ATG12: variants seen among roughly 807,000 people sequenced by gnomAD.
ATG12 encodes the protein ubiquitin-like protein ATG12.
ATG12 carries 19 observed loss-of-function variants against 17.6 expected under a neutral mutation model. The ratio of observed to expected loss-of-function variants is 1.08; its 90% CI spans 0.75 to 1.58. The LOEUF (loss-of-function observed/expected upper bound fraction) is 1.58, where lower values mean the gene tolerates loss of function less well. Ranked by LOEUF, ATG12 falls within the 40% of genes most tolerant of loss-of-function variation. ATG12 has a pLI of 0.00. For synonymous variants in ATG12, 75 were observed against 62.4 expected (o/e 1.20, Z -0.95); for missense variants, 214 against 162.0 (o/e 1.32, Z -1.74).
At position 115,841,440 on chromosome 5, in the gene ATG12, G is replaced by A. The variant is rs773469743; in HGVS notation, c.113C>T (p.Ala38Val). The A allele has an allele frequency of 1.3e-5, 21 of 1,610,100 alleles. No homozygotes were observed. The highest frequency in any genetic ancestry group is 1.7e-5 in the Non-Finnish European group (20 of 1,179,108). ...TTCCTCTGTTCCCGGGGAAACTGCAGCGGAAGACGGGGGCTCCGGGGTGGT... is the reference window on the plus strand; with the variant it reads ...TTCCTCTGTTCCCGGGGAAACTGCAACGGAAGACGGGGGCTCCGGGGTGGT... Reference protein sequence around the residue: ...ETTTPEPPSSAAVSPGTEEPA... With the variant: ...ETTTPEPPSSVAVSPGTEEPA... The change falls in exon 1 of 4, where the codon GCT (alanine) becomes GTT (valine). Residue 38 changes from alanine (A) to valine (V), a missense_variant. By Grantham distance (64) the Ala-to-Val change is moderately conservative (BLOSUM62 0). Coordinates refer to ENST00000509910, the MANE Select transcript of ATG12 (RefSeq NM_004707.4).
chr5:115,839,970 T>C (rs909833297), intron 1 of ATG12, among the ~76,000 whole-genome samples: 5 of 152,240 alleles, frequency 3.3e-5, no homozygotes, highest in African/African-American at 1.2e-4. Flanking sequence ...GGGCAATATT[T>C]AGATTGTAAG....
In ATG12 at chr5:115,831,870, A is replaced by G. The variant is rs765993877; in HGVS notation, c.364-7T>C. 9 of 1,597,678 alleles carry G rather than the reference A, an allele frequency of 5.6e-6. No homozygotes were observed. Among genetic ancestry groups the G allele is most frequent in the Non-Finnish European group, 7.7e-6 (9 of 1,175,536 alleles). On this transcript the variant is annotated splice_region_variant and splice_polypyrimidine_tract_variant and intron_variant, in intron 3 of 3. Coordinates refer to ENST00000509910, the MANE Select transcript of ATG12 (RefSeq NM_004707.4). ...TACCATCACTGCCAAAACACTACAAAAAAAAAAGGCAATAAATCAAACTCA... is the reference window on the plus strand; with the variant it reads ...TACCATCACTGCCAAAACACTACAAGAAAAAAAGGCAATAAATCAAACTCA...
rs1290280004 is a variant in ATG12, at chr5:115,832,523, T to C, written c.363+79A>G. 2.2e-6 allele frequency: 3 copies of C among 1,381,936 alleles called. No individual in the cohort carries two copies. In the Admixed American group the frequency reaches 9.0e-5, roughly 42 times the overall value. The allele number at this position is 1,381,936 out of a possible 1,614,324, so 85.6% of individuals were successfully genotyped here. Reference sequence around the variant, plus strand: ...TAACAATACTACACAATATACATATTATACAGATGTGCATACTCGATTAAG... The same window carrying C: ...TAACAATACTACACAATATACATATCATACAGATGTGCATACTCGATTAAG... On this transcript the variant is annotated intron_variant, in intron 3 of 3. Coordinates refer to ENST00000509910, the MANE Select transcript of ATG12 (RefSeq NM_004707.4).
intron 2 of ATG12, chr5:115,833,011 C>A: frequency 5.7e-6 from 1 of 176,316 alleles, no homozygotes; most frequent in Non-Finnish European, 1.2e-5. Flanking sequence ...AGAATTTCTC[C>A]TAAGATAATT....
intron 2 of ATG12, 82 bp downstream of exon 2, chr5:115,837,546 T>A (rs1008567829): frequency 6.9e-7 from 1 of 1,444,966 alleles, no homozygotes; most frequent in Non-Finnish European, 9.6e-7. Flanking sequence ...TCCATATGCA[T>A]TTCTATAAAC....
chr5:115,832,512 A>G, intron 3 of ATG12, 90 bp downstream of exon 3: 8 of 1,342,138 alleles, frequency 6.0e-6, no homozygotes, highest in Non-Finnish European at 6.8e-6. Flanking sequence ...AATACTACAC[A>G]ATATACATAT....
Position 115,828,725 on chromosome 5 carries a change from C to T in ATG12, c.*3079G>A, listed in dbSNP as rs1328950314. ...TTTGCTAATCACAATTTCATTCACT[C>T]GATGTGTTACATTACTAATTATTTA... On this transcript the variant is annotated 3_prime_UTR_variant, in exon 4 of 4. Transcript: ENST00000509910. 2.6e-5 allele frequency: 4 copies of T among 152,060 alleles called. No homozygotes were observed. Among genetic ancestry groups the T allele is most frequent in the African/African-American group, 9.7e-5 (4 of 41,388 alleles). 9.4% of individuals were successfully genotyped at this position (152,060 alleles called of 1,614,324 possible).
intron 2 of ATG12, chr5:115,834,300 T>G (rs1421796235): frequency 6.6e-6 from 1 of 152,192 alleles, no homozygotes; most frequent in Non-Finnish European, 1.5e-5. Flanking sequence ...AGCAATTCAG[T>G]TAGTTCAAAA....
In ATG12 at chr5:115,828,373, A is replaced by G. The variant is rs1447914265; in HGVS notation, c.*3431T>C. 1 of 152,232 alleles carries G rather than the reference A, an allele frequency of 6.6e-6. No homozygotes were observed. Among genetic ancestry groups the G allele is most frequent in the Non-Finnish European group, 1.5e-5 (1 of 68,032 alleles). 9.4% of individuals were successfully genotyped at this position (152,232 alleles called of 1,614,324 possible). A position where few individuals can be genotyped will look rare whatever the true frequency, so the allele number is the denominator to read the frequency against. On this transcript the variant is annotated 3_prime_UTR_variant, in exon 4 of 4. Coordinates refer to ENST00000509910, the MANE Select transcript of ATG12 (RefSeq NM_004707.4). ...TATACCAACTCATATTCTATTCACC[A>G]AAATATGACAGGATTTCCCCACAAC...
Position 115,840,712 on chromosome 5 carries a change from CAGA to C in ATG12, c.163+675_163+677del, listed in dbSNP as rs756602841. ...TCCCATAGGCAACTCTAACTCTAAA[CAGA>C]GTGCTTTAGAACACGTAATTTTAGC... On this transcript the variant is annotated intron_variant, in intron 1 of 3. Coordinates refer to ENST00000509910, the MANE Select transcript of ATG12 (RefSeq NM_004707.4). 113 of 1,192,518 alleles carry C rather than the reference CAGA, an allele frequency of 9.5e-5. No individual in the cohort carries two copies. The Admixed American group carries it at 1.2e-3, about 12-fold the overall frequency. The allele number at this position is 1,192,518 out of a possible 1,614,324, so 73.9% of individuals were successfully genotyped here. A position where few individuals can be genotyped will look rare whatever the true frequency, so the allele number is the denominator to read the frequency against.
chr5:115,835,377 G>A (rs1183572241), intron 2 of ATG12, among the ~76,000 whole-genome samples: 2 of 152,132 alleles, frequency 1.3e-5, no homozygotes, highest in South Asian at 4.1e-4. Flanking sequence ...TTAGAATGAG[G>A]TGAATTAGGG....
chr5:115,839,675 C>T (rs1761250819), intron 1 of ATG12, among the ~76,000 whole-genome samples: 1 of 152,194 alleles, frequency 6.6e-6, no homozygotes, highest in African/African-American at 2.4e-5. Flanking sequence ...GAAACACTTA[C>T]TCCCCAGGAA....
chr5:115,832,575 T>A, intron 3 of ATG12, 27 bp downstream of exon 3: 9 of 618,212 alleles, frequency 1.5e-5, no homozygotes, highest in East Asian at 1.1e-4. Flanking sequence ...TTCTTTCTTT[T>A]TTTTTTTTTT....
intron 2 of ATG12, among the ~76,000 whole-genome samples, chr5:115,836,502 G>C (rs1045945624): frequency 1.3e-5 from 2 of 152,018 alleles, no homozygotes; most frequent in African/African-American, 4.8e-5. Flanking sequence ...ACTTTTGTGA[G>C]AGCACTTGCA....
chr5:115,839,106 G>A (rs1761221722), intron 1 of ATG12: 1 of 133,540 alleles, frequency 7.5e-6, no homozygotes, highest in East Asian at 2.1e-4. Context: ...CTGGGTGACA[G>A]ACTGAGACAT....
rs1217220920 is a variant in ATG12 at position 115,831,218 on chromosome 5, G to A, written c.*586C>T. ...GTGTAAAATTACAGTCTTTCAGTCT[G>A]TCCTATGTGCTTGCTCTCCTGGCTA... On this transcript the variant is annotated 3_prime_UTR_variant, in exon 4 of 4. Transcript: ENST00000509910. 1 of 153,052 alleles carries A rather than the reference G, an allele frequency of 6.5e-6. No individual in the cohort carries two copies. The highest frequency in any genetic ancestry group is 1.5e-5 in the Non-Finnish European group (1 of 68,732). The allele number at this position is 153,052 out of a possible 1,614,324, so 9.5% of individuals were successfully genotyped here. A position where few individuals can be genotyped will look rare whatever the true frequency, so the allele number is the denominator to read the frequency against.
intron 3 of ATG12, among the ~76,000 whole-genome samples, chr5:115,832,183 TAAC>T (rs1561450220): frequency 6.6e-6 from 1 of 152,104 alleles, no homozygotes; most frequent in East Asian, 1.9e-4. Context: ...TGTACTCTAA[TAAC>T]TATTACAATG....
rs763363286 is a variant in ATG12 at position 115,841,496 on chromosome 5, C to T, written c.57G>A (p.Gly19=). 1 of 1,612,156 alleles carries T rather than the reference C, an allele frequency of 6.2e-7. No homozygotes were observed. The highest frequency in any genetic ancestry group is 1.1e-5 in the South Asian group (1 of 91,006). The part of the protein sequence containing the change: ...LQLPTSIAAG[G]EGLTDVSPET... ...CTGGGGAGACATCCGTAAGTCCTTC[C>T]CCTCCAGCAGCAATTGAAGTAGGAA... The change falls in exon 1 of 4, where the codon GGG becomes GGA. Residue 19 remains glycine (G), a synonymous_variant. Transcript: ENST00000509910.
Position 115,832,599 on chromosome 5 carries a change from T to TTA in ATG12, c.363+2_363+3insTA. ...TTTTTTTTTTTTTTTTTTTTTTTTT[T>TTA]ACCTCATAGAGAGTTCCAACTTCTT... On this transcript the variant is annotated splice_region_variant and intron_variant, in intron 3 of 3. Coordinates refer to ENST00000509910, the MANE Select transcript of ATG12 (RefSeq NM_004707.4). 6.3e-6 allele frequency: 6 copies of TTA among 952,612 alleles called. No homozygotes were observed. Among genetic ancestry groups the TTA allele is most frequent in the Non-Finnish European group, 6.0e-6 (4 of 670,412 alleles). 59.0% of individuals were successfully genotyped at this position (952,612 alleles called of 1,614,324 possible). A position where few individuals can be genotyped will look rare whatever the true frequency, so the allele number is the denominator to read the frequency against.
Sources: gnomAD v4.1 joint callset for allele counts (sites outside exome capture counted in the v4.1 genomes callset) on GRCh38, gnomAD v4.1.1 for gene constraint, MANE v1.5 for transcripts, NCBI Gene and HGNC (gene_info 2026-07-23, HGNC 2026-07-21) for gene names.